SULT6B1: variants seen among roughly 807,000 people sequenced by gnomAD.
SULT6B1 encodes the protein sulfotransferase 6B1.
Under a neutral mutation model 37.2 loss-of-function variants are expected in SULT6B1, and 44 were observed. The observed-to-expected ratio is 1.18, with a 90% confidence interval of 0.93 to 1.52. SULT6B1 has a LOEUF of 1.52. Ranked by LOEUF, SULT6B1 falls within the 40% of genes most tolerant of loss-of-function variation. SULT6B1 has a pLI of 0.00. For missense variants in SULT6B1, 450 were observed against 361.0 expected, an observed-to-expected ratio of 1.25 and a Z score of -2.00; for synonymous variants, 140 against 126.0, an observed-to-expected ratio of 1.11 and a Z score of -0.74.
intron 2 of SULT6B1, among the ~76,000 whole-genome samples, chr2:37,186,357 C>G (rs954560062): frequency 2.0e-5 from 3 of 152,096 alleles, no homozygotes; most frequent in Admixed American, 1.3e-4. Flanking sequence ...TTTTTTCTGT[C>G]CAAGCCCTGA....
intron 2 of SULT6B1, among the ~76,000 whole-genome samples, chr2:37,186,101 A>G (rs1676667906): frequency 6.6e-6 from 1 of 152,124 alleles, no homozygotes; most frequent in Non-Finnish European, 1.5e-5. Context: ...CCTTCCATCT[A>G]GGTTCCAACT....
At chr2:37,180,079 G>C (rs1027012288) in intron 3 of SULT6B1, among the ~76,000 whole-genome samples, 125 of 152,340 alleles carry the variant, frequency 8.2e-4, no homozygotes, top group African/African-American at 2.8e-3. Flanking sequence ...GATGAGGAAA[G>C]TGTTCCTTTG....
chr2:37,172,098 A>T (rs538226061), intron 5 of SULT6B1, among the ~76,000 whole-genome samples: 1 of 151,136 alleles, frequency 6.6e-6, no homozygotes, highest in South Asian at 2.1e-4. Flanking sequence ...CCCAGACTAG[A>T]GTGGTGCAAG....
At chr2:37,188,849 T>A (rs1247285487), upstream of SULT6B1, among the ~76,000 whole-genome samples, 2 of 152,124 alleles carry the variant, frequency 1.3e-5, no homozygotes, top group Non-Finnish European at 2.9e-5. Flanking sequence ...TCAGGGAATA[T>A]TACCCCAAGG....
chr2:37,179,240 G>C (rs891040308), intron 4 of SULT6B1, among the ~76,000 whole-genome samples: 1 of 152,214 alleles, frequency 6.6e-6, no homozygotes, highest in Non-Finnish European at 1.5e-5. Context: ...TTACAGGCGT[G>C]AGCCACCACA....
At chr2:37,194,984 C>T (rs532550011) in intron 1 of SULT6B1, among the ~76,000 whole-genome samples, 3 of 149,744 alleles carry the variant, frequency 2.0e-5, no homozygotes, top group African/African-American at 7.4e-5. Context: ...CAGTCTTACT[C>T]TGTCGCCCAG....
At position 37,188,442 on chromosome 2, in the gene SULT6B1, C is replaced by T. The variant is rs761217393; in HGVS notation, c.199G>A (p.Gly67Ser). Residue 67 changes from glycine (G) to serine (S), a missense_variant and splice_region_variant, in exon 1 of 7, where the codon GGT becomes AGT. Physicochemically the swap from Gly to Ser is moderately conservative, Grantham distance 56 (BLOSUM62 0). Coordinates refer to ENST00000535679, the MANE Select transcript of SULT6B1 (RefSeq NM_001367551.1). Reference sequence around the variant, plus strand: ...TTGTAGGAAACGACTTGTCATTTACCGCACTTTGGATAAGATGCTAGCACG... The same window carrying T: ...TTGTAGGAAACGACTTGTCATTTACTGCACTTTGGATAAGATGCTAGCACG... ...DIVLASYPKC[G>S]SNWILHIVSE... 31 of 1,612,172 alleles carry T rather than the reference C, an allele frequency of 1.9e-5. No individual in the cohort carries two copies. The highest frequency in any genetic ancestry group is 5.5e-5 in the South Asian group (5 of 90,798).
intron 5 of SULT6B1, among the ~76,000 whole-genome samples, 186 bp downstream of exon 5, chr2:37,174,946 C>T (rs1450261458): frequency 6.6e-6 from 1 of 152,118 alleles, no homozygotes; most frequent in Non-Finnish European, 1.5e-5. Flanking sequence ...TATTTTATTT[C>T]TGTTAAATAA....
At chr2:37,176,874 G>C (rs530217467) in intron 4 of SULT6B1, among the ~76,000 whole-genome samples, 4 of 152,246 alleles carry the variant, frequency 2.6e-5, no homozygotes, top group African/African-American at 7.2e-5. Context: ...CAAAACTATT[G>C]CTGTGTGGAG....
At chr2:37,191,987 C>T (rs894144559), upstream of SULT6B1, among the ~76,000 whole-genome samples, 4 of 152,114 alleles carry the variant, frequency 2.6e-5, no homozygotes, top group South Asian at 2.1e-4. Context: ...GTGGCATGGC[C>T]GGCCCAGCAG....
chr2:37,187,467 C>G lies in SULT6B1; in HGVS notation c.200G>C (p.Gly67Ala), dbSNP rs1376259677. Reference sequence around the variant, plus strand: ...GACAATGTGGAGAATCCAGTTTGAACCTATCAGAAAAATCAGAGAATAAAA... The same window carrying G: ...GACAATGTGGAGAATCCAGTTTGAAGCTATCAGAAAAATCAGAGAATAAAA... ...DIVLASYPKC[G>A]SNWILHIVSE... The change falls in exon 2 of 7, where the codon GGT becomes GCT. Residue 67 changes from glycine (G) to alanine (A), a missense_variant and splice_region_variant. By Grantham distance (60) the Gly-to-Ala change is moderately conservative. Transcript: ENST00000535679. 6.4e-6 allele frequency: 10 copies of G among 1,559,772 alleles called. No homozygotes were observed. The highest frequency in any genetic ancestry group is 7.0e-6 in the Non-Finnish European group (8 of 1,142,382).
chr2:37,178,832 G>A (rs1194131710), intron 4 of SULT6B1, among the ~76,000 whole-genome samples: 1 of 152,202 alleles, frequency 6.6e-6, no homozygotes, highest in Non-Finnish European at 1.5e-5. Flanking sequence ...GTTACATAGT[G>A]ACAAGGAAGT....
intron 2 of SULT6B1, 88 bp downstream of exon 2, chr2:37,187,267 T>G: frequency 1.1e-6 from 1 of 890,728 alleles, no homozygotes; most frequent in Admixed American, 2.1e-5. Flanking sequence ...AGCATTGCAC[T>G]TTCTAAACTG....
upstream of SULT6B1, chr2:37,189,895 T>C (rs1478821286): frequency 6.6e-6 from 1 of 152,250 alleles, no homozygotes; most frequent in African/African-American, 2.4e-5. Flanking sequence ...GGAAGGCAGA[T>C]ACTGTGTTGG....
chr2:37,174,801 A>G (rs867286601), intron 5 of SULT6B1, among the ~76,000 whole-genome samples: 6 of 152,192 alleles, frequency 3.9e-5, no homozygotes, highest in South Asian at 2.1e-4. Flanking sequence ...AAATGACTGG[A>G]TAAATTAGTT....
At chr2:37,177,691 C>T (rs1388578772) in intron 4 of SULT6B1, among the ~76,000 whole-genome samples, 4 of 151,940 alleles carry the variant, frequency 2.6e-5, no homozygotes, top group East Asian at 1.9e-4. Context: ...ATATAATATT[C>T]GTTAAAAGAA....
At chr2:37,169,784 T>G (rs1035693346) in intron 6 of SULT6B1, among the ~76,000 whole-genome samples, 1 of 152,140 alleles carries the variant, frequency 6.6e-6, no homozygotes, top group African/African-American at 2.4e-5. Context: ...TGAGCCACCA[T>G]GTCCGGCCTT....
upstream of SULT6B1, among the ~76,000 whole-genome samples, chr2:37,193,652 G>GAAGAAGAAGA (rs1420064697): frequency 1.1e-4 from 5 of 46,784 alleles, no homozygotes; most frequent in Non-Finnish European, 2.2e-4. Flanking sequence ...GAAGAAGAAG[G>GAAGAAGAAGA]AGAAGAAGGA....
At chr2:37,171,342 T>C (rs1572454607) in intron 6 of SULT6B1, 92 bp downstream of exon 6, 1 of 1,464,576 alleles carries the variant, frequency 6.8e-7, no homozygotes, top group East Asian at 2.3e-5. Context: ...AATAAAACCC[T>C]ATCTGACTTA....
Sources: allele counts gnomAD v4.1 joint callset (sites outside exome capture counted in the v4.1 genomes callset), GRCh38; gene constraint gnomAD v4.1.1; transcripts MANE v1.5; gene names NCBI Gene and HGNC (gene_info 2026-07-23, HGNC 2026-07-21).